DLC1: variants seen among roughly 807,000 people sequenced by gnomAD.
DLC1 encodes rho GTPase-activating protein 7.
Under a neutral mutation model 140.3 loss-of-function variants are expected in DLC1, and 54 were observed. The observed-to-expected ratio is 0.38, with a 90% CI of 0.31 to 0.48. DLC1 has a LOEUF of 0.48. Among genes scored for constraint, DLC1 ranks in the 20% least tolerant of loss-of-function variants. The probability of loss-of-function intolerance (pLI) is 0.96; values close to 1 mark genes in which losing one functional copy is unlikely to be tolerated. For synonymous variants in DLC1, 986 were observed against 728.1 expected, an observed-to-expected ratio of 1.35 and a Z score of -5.70; for missense variants, 2,536 against 1,907.0, an observed-to-expected ratio of 1.33 and a Z score of -6.14.
chr8:13,365,200 T>A (rs1379044635), intron 4 of DLC1, among the ~76,000 whole-genome samples: 2 of 152,218 alleles, frequency 1.3e-5, no homozygotes, highest in Non-Finnish European at 2.9e-5. Context: ...GGGATTCCTT[T>A]GTGGACTTAA....
intron 2 of DLC1, among the ~76,000 whole-genome samples, chr8:13,441,636 G>T (rs537416544): frequency 1.3e-5 from 2 of 152,132 alleles, no homozygotes; most frequent in Admixed American, 1.3e-4. Flanking sequence ...AAAATACCTA[G>T]GAATCCAACT....
At chr8:13,199,961 T>A (rs1406240834) in intron 5 of DLC1, among the ~76,000 whole-genome samples, 1 of 152,206 alleles carries the variant, frequency 6.6e-6, no homozygotes, top group Non-Finnish European at 1.5e-5. Flanking sequence ...GTATTAAGTA[T>A]TTATAGTATG....
intron 15 of DLC1, among the ~76,000 whole-genome samples, 192 bp from the exon 16 acceptor site, chr8:13,088,896 T>C (rs538877462): frequency 1.3e-5 from 2 of 152,306 alleles, no homozygotes; most frequent in Admixed American, 1.3e-4. Flanking sequence ...TTAAATAGGC[T>C]GCTGTCCCCA....
At chr8:13,098,190 A>G (rs1818675219) in intron 10 of DLC1, among the ~76,000 whole-genome samples, 1 of 152,080 alleles carries the variant, frequency 6.6e-6, no homozygotes, top group African/African-American at 2.4e-5. Context: ...GCACCACTGC[A>G]CCGCACTCCA....
chr8:13,473,933 C>G (rs1347688157), intron 2 of DLC1, among the ~76,000 whole-genome samples: 8 of 152,286 alleles, frequency 5.3e-5, no homozygotes, highest in African/African-American at 1.7e-4. Flanking sequence ...ATATTTGCAG[C>G]CTGACAATGT....
intron 1 of DLC1, among the ~76,000 whole-genome samples, chr8:13,545,468 G>C (rs1803621829): frequency 6.6e-6 from 1 of 151,884 alleles, no homozygotes. Flanking sequence ...GGCCAAACTG[G>C]GCCCCAGAGT....
At chr8:13,105,880 C>T (rs925315326) in intron 7 of DLC1, among the ~76,000 whole-genome samples, 2 of 152,126 alleles carry the variant, frequency 1.3e-5, no homozygotes, top group South Asian at 4.1e-4. Context: ...ACCCGGCAAT[C>T]TGTGTTCCTT....
chr8:13,524,571 T>A (rs12234951), intron 1 of DLC1, among the ~76,000 whole-genome samples: 1 of 152,074 alleles, frequency 6.6e-6, no homozygotes, highest in Non-Finnish European at 1.5e-5. Context: ...CATGATTTTT[T>A]ATCTAATACC....
chr8:13,435,110 G>A (rs887365516), intron 2 of DLC1, among the ~76,000 whole-genome samples: 3 of 152,178 alleles, frequency 2.0e-5, no homozygotes, highest in Admixed American at 2.0e-4. Context: ...ATACCACTAA[G>A]AGAATTCATG....
intron 5 of DLC1, among the ~76,000 whole-genome samples, chr8:13,181,126 T>C (rs550702044): frequency 6.6e-6 from 1 of 152,122 alleles, no homozygotes; most frequent in East Asian, 1.9e-4. Context: ...CCTATTCCCA[T>C]GGTGTCCCCC....
chr8:13,556,685 C>G (rs1804057416), intron 1 of DLC1, among the ~76,000 whole-genome samples: 2 of 152,132 alleles, frequency 1.3e-5, no homozygotes, highest in African/African-American at 2.4e-5. Context: ...CAGGACTGCT[C>G]TTTTCTGAAT....
At position 13,305,271 on chromosome 8, in the gene DLC1, G is replaced by A; in HGVS notation, c.1346C>T (p.Ala449Val). 6.2e-7 allele frequency: 1 copy of A among 1,608,178 alleles called. No individual in the cohort carries two copies. Among genetic ancestry groups the A allele is most frequent in the Non-Finnish European group, 8.5e-7 (1 of 1,177,394 alleles). The change falls in exon 5 of 18, where the codon GCT (alanine) becomes GTT (valine). Residue 449 changes from alanine to valine, a missense_variant and splice_region_variant. Ala to Val is a moderately conservative substitution (Grantham distance 64). Coordinates refer to ENST00000276297, the MANE Select transcript of DLC1 (RefSeq NM_182643.3). Reference sequence around the variant, plus strand: ...ACAGAACCAAAATGTCAACTTACCAGCCTTTTCCTTCTCTGAAATACCTTG... The same window carrying A: ...ACAGAACCAAAATGTCAACTTACCAACCTTTTCCTTCTCTGAAATACCTTG... ...AIQGISEKEK[A>V]EIEAKEACDW... is the part of the protein sequence containing the mutation.
chr8:13,202,555 G>T (rs758263206), intron 5 of DLC1, among the ~76,000 whole-genome samples: 21 of 152,080 alleles, frequency 1.4e-4, no homozygotes, highest in Middle Eastern at 3.2e-3. Flanking sequence ...TCTTGGCTTC[G>T]CTGTGGGCTT....
chr8:13,094,369 A>G (rs1156843102), intron 12 of DLC1, among the ~76,000 whole-genome samples: 1 of 152,188 alleles, frequency 6.6e-6, no homozygotes, highest in East Asian at 1.9e-4. Context: ...TCTCTTGTCA[A>G]AAGAACGCTA....
intron 5 of DLC1, among the ~76,000 whole-genome samples, chr8:13,181,603 T>G (rs896028035): frequency 6.6e-5 from 10 of 151,920 alleles, no homozygotes; most frequent in African/African-American, 2.4e-4. Context: ...TTTCTGTCCT[T>G]GTGATAGTTT....
chr8:13,603,878 C>T (rs1414404617), intron 1 of DLC1, among the ~76,000 whole-genome samples: 3 of 151,970 alleles, frequency 2.0e-5, no homozygotes, highest in Non-Finnish European at 2.9e-5. Context: ...AAAAGCTATG[C>T]CTTTGAGAAT....
At chr8:13,559,730 T>G (rs1298568282) in intron 1 of DLC1, among the ~76,000 whole-genome samples, 4 of 152,196 alleles carry the variant, frequency 2.6e-5, no homozygotes, top group African/African-American at 9.6e-5. Flanking sequence ...CACAGACCCT[T>G]CTACCCAAGG....
At chr8:13,345,503 G>A (rs1054547860) in intron 4 of DLC1, among the ~76,000 whole-genome samples, 4 of 146,806 alleles carry the variant, frequency 2.7e-5, no homozygotes, top group African/African-American at 5.0e-5. Flanking sequence ...GAGATACTGA[G>A]CATATGTGGT....
At chr8:13,355,632 C>A (rs1338235928) in intron 4 of DLC1, among the ~76,000 whole-genome samples, 2 of 152,152 alleles carry the variant, frequency 1.3e-5, no homozygotes, top group Non-Finnish European at 2.9e-5. Context: ...AAAACAATTA[C>A]ATCTGGGGTT....
Sources: gnomAD v4.1 joint callset for allele counts (sites outside exome capture counted in the v4.1 genomes callset) on GRCh38, gnomAD v4.1.1 for gene constraint, MANE v1.5 for transcripts, NCBI Gene and HGNC (gene_info 2026-07-23, HGNC 2026-07-21) for gene names.